The following PRKN variants were observed in gnomAD, a reference collection of about 807,000 sequenced individuals.
PRKN encodes the protein E3 ubiquitin-protein ligase parkin.
A neutral mutation model predicts 59.5 loss-of-function variants in PRKN; 56 were observed. The ratio of observed to expected loss-of-function variants is 0.94; its 90% CI spans 0.76 to 1.18. The LOEUF is 1.18. Among genes scored for constraint, PRKN ranks in the 50% most tolerant of loss-of-function variants. PRKN has a pLI of 0.00. For synonymous variants in PRKN, 250 were observed against 222.1 expected (o/e 1.13, Z -1.12); for missense variants, 657 against 596.4 (o/e 1.10, Z -1.06).
In PRKN at chr6:161,504,311, A is replaced by G. The variant is rs1035758944; in HGVS notation, c.1083+44543T>C. 2.0e-5 allele frequency among the ~76,000 whole-genome samples: 3 copies of G among 152,144 alleles called. No individual in the cohort carries two copies. The South Asian group carries it at 6.2e-4, about 32-fold the overall frequency. ...ACTCCCTGAGGAAGAGCCGGCAGGGATTGCCATGGGGACCACTCCCTGCCA... is the reference window on the plus strand; with the variant it reads ...ACTCCCTGAGGAAGAGCCGGCAGGGGTTGCCATGGGGACCACTCCCTGCCA... On this transcript the variant is annotated intron_variant, in intron 9 of 11. Transcript: ENST00000366898.
At chr6:162,305,170 T>C (rs1253083040) in intron 2 of PRKN, among the ~76,000 whole-genome samples, 2 of 152,052 alleles carry the variant, frequency 1.3e-5, no homozygotes, top group Non-Finnish European at 2.9e-5. Context: ...AAACACTACA[T>C]CTTAGAGTAT....
intron 6 of PRKN, among the ~76,000 whole-genome samples, chr6:161,805,461 C>CAT (rs1791271683): frequency 2.9e-5 from 1 of 34,670 alleles, no homozygotes; most frequent in Admixed American, 6.1e-4. Flanking sequence ...TGCACACACA[C>CAT]ACACACACAC....
intron 7 of PRKN, among the ~76,000 whole-genome samples, chr6:161,671,151 C>G (rs1173064998): frequency 6.6e-6 from 1 of 152,110 alleles, no homozygotes; most frequent in Non-Finnish European, 1.5e-5. Context: ...AGATGGGATA[C>G]CTGCATGGGG....
intron 6 of PRKN, among the ~76,000 whole-genome samples, chr6:161,856,408 T>C (rs1793655082): frequency 6.9e-6 from 1 of 144,804 alleles, no homozygotes; most frequent in African/African-American, 2.6e-5. Flanking sequence ...GAACTGCTTC[T>C]TCTACAGAGC....
At chr6:161,539,027 T>C (rs1348579691) in intron 9 of PRKN, among the ~76,000 whole-genome samples, 1 of 152,182 alleles carries the variant, frequency 6.6e-6, no homozygotes, top group Non-Finnish European at 1.5e-5. Context: ...TAACATGCGA[T>C]GTTCTTGGCA....
At chr6:162,453,094 T>C (rs1790702113) in intron 1 of PRKN, among the ~76,000 whole-genome samples, 1 of 152,048 alleles carries the variant, frequency 6.6e-6, no homozygotes, top group African/African-American at 2.4e-5. Flanking sequence ...CTCCTTGAGG[T>C]GGAAGAGGTG....
rs1398560048 is a variant in PRKN, at chr6:161,459,806, A to C, written c.1084-72929T>G. Among the ~76,000 whole-genome samples, 1 of 152,198 alleles carries C rather than the reference A, an allele frequency of 6.6e-6. No individual in the cohort carries two copies. The highest frequency in any genetic ancestry group is 1.5e-5 in the Non-Finnish European group (1 of 68,048). The stretch of plus-strand genomic sequence containing the variant: ...CTCTTTGTCTCCTTCTTCATAATTT[A>C]GAGGCTTTCAATGACTTACCCCTAA... On this transcript the variant is annotated intron_variant, in intron 9 of 11. Coordinates refer to ENST00000366898, the MANE Select transcript of PRKN (RefSeq NM_004562.3). This position sits in a 1 kb window ranked among gnomAD's most constrained non-coding sequence, Gnocchi z 4.8.
At chr6:162,461,499 CAAAAAAAAAAAAAAAAAA>C (rs780424226) in intron 1 of PRKN, among the ~76,000 whole-genome samples, 1 of 36,516 alleles carries the variant, frequency 2.7e-5, no homozygotes, top group Non-Finnish European at 4.6e-5. Flanking sequence ...TAAAGTGTCT[CAAAAAAAAAAAAAAAAAA>C]AAAAAAAAAA....
chr6:161,772,277 G>A (rs1013772520), intron 7 of PRKN, among the ~76,000 whole-genome samples: 19 of 152,240 alleles, frequency 1.2e-4, no homozygotes, highest in Non-Finnish European at 2.2e-4. Flanking sequence ...CTTTCTTCTG[G>A]AATAAAGTTC....
chr6:162,623,177 C>T (rs1782747335), intron 1 of PRKN, among the ~76,000 whole-genome samples: 1 of 152,146 alleles, frequency 6.6e-6, no homozygotes, highest in African/African-American at 2.4e-5. Context: ...ATGCTGATAA[C>T]AGAATTCACT....
At chr6:161,655,135 A>C (rs1784292575) in intron 7 of PRKN, among the ~76,000 whole-genome samples, 1 of 141,396 alleles carries the variant, frequency 7.1e-6, no homozygotes, top group Non-Finnish European at 1.5e-5. Context: ...CATCACCAGC[A>C]AGGTGCCCAG....
chr6:161,941,184 T>G (rs1414246345), intron 6 of PRKN, among the ~76,000 whole-genome samples: 1 of 152,164 alleles, frequency 6.6e-6, no homozygotes, highest in Non-Finnish European at 1.5e-5. Context: ...TGTTGGCATT[T>G]CCCAAGACCA....
chr6:162,421,550 C>T (rs1159999795), intron 2 of PRKN, among the ~76,000 whole-genome samples: 2 of 152,136 alleles, frequency 1.3e-5, no homozygotes, highest in Non-Finnish European at 1.5e-5. Flanking sequence ...AGAAATGATA[C>T]AATATGGCAC....
At chr6:162,072,260 C>G (rs1778609894) in intron 4 of PRKN, among the ~76,000 whole-genome samples, 1 of 152,016 alleles carries the variant, frequency 6.6e-6, no homozygotes, top group Admixed American at 6.6e-5. Context: ...TGCACTCCAG[C>G]CCGGGTGACA....
chr6:161,744,708 T>C (rs1323735895), intron 7 of PRKN, among the ~76,000 whole-genome samples: 3 of 152,198 alleles, frequency 2.0e-5, no homozygotes, highest in East Asian at 1.9e-4. Flanking sequence ...GCTTCGAGAA[T>C]GATGCATGGG....
chr6:162,505,121 T>C (rs768545592), intron 1 of PRKN, among the ~76,000 whole-genome samples: 3 of 152,156 alleles, frequency 2.0e-5, no homozygotes, highest in African/African-American at 4.8e-5. Context: ...TATGACCAGA[T>C]AGAGAGAAAT....
chr6:161,714,780 G>GT (rs1450681459), intron 7 of PRKN, among the ~76,000 whole-genome samples: 1 of 152,152 alleles, frequency 6.6e-6, no homozygotes, highest in Non-Finnish European at 1.5e-5. Flanking sequence ...AATGAAGATG[G>GT]TAAGACACTT....
chr6:162,101,317 C>G (rs1583032813), intron 4 of PRKN, among the ~76,000 whole-genome samples: 1 of 151,434 alleles, frequency 6.6e-6, no homozygotes, highest in Non-Finnish European at 1.5e-5. Flanking sequence ...TGTTCCAACA[C>G]CACTTATGGA....
chr6:162,361,830 T>C (rs551446271), intron 2 of PRKN, among the ~76,000 whole-genome samples: 3 of 152,266 alleles, frequency 2.0e-5, no homozygotes, highest in Admixed American at 2.0e-4. Context: ...TGTAAATACG[T>C]GCAGCCTGAT....
Sources: allele counts gnomAD v4.1 joint callset (sites outside exome capture counted in the v4.1 genomes callset), GRCh38; gene constraint gnomAD v4.1.1; non-coding constraint Gnocchi (gnomAD v3.1); transcripts MANE v1.5; gene names NCBI Gene and HGNC (gene_info 2026-07-23, HGNC 2026-07-21).